Variants in KIF5C observed in about 807,000 individuals in gnomAD.
KIF5C encodes kinesin family member 5C.
A neutral mutation model predicts 125.2 loss-of-function variants in KIF5C; 18 were observed. The ratio of observed to expected loss-of-function variants is 0.14; its 90% CI spans 0.10 to 0.21. The LOEUF is 0.21. Ranked by LOEUF, KIF5C falls within the 10% of genes least tolerant of loss-of-function variation. The pLI is 1.00. For synonymous variants in KIF5C, 405 were observed against 434.0 expected, an observed-to-expected ratio of 0.93 and a Z score of 0.83; for missense variants, 780 against 1,183.8, an observed-to-expected ratio of 0.66 and a Z score of 5.01.
At position 148,994,510 on chromosome 2, in the gene KIF5C, C is replaced by T. The variant is rs376991028; in HGVS notation, c.1995C>T (p.Ser665=). The part of the protein sequence containing the change: ...RQLEESQDSL[S]EELAKLRAQE... ...TAGAAGAGTCCCAGGACTCGCTCAGCGAAGAGCTGGCAAAGCTCCGAGCCC... is the reference window on the plus strand; with the variant it reads ...TAGAAGAGTCCCAGGACTCGCTCAGTGAAGAGCTGGCAAAGCTCCGAGCCC... The change falls in exon 17 of 26, where the codon AGC becomes AGT. Residue 665 remains serine, a synonymous_variant. Coordinates refer to ENST00000435030, the MANE Select transcript of KIF5C (RefSeq NM_004522.3). 65 of 1,568,708 alleles carry T rather than the reference C, an allele frequency of 4.1e-5. No individual in the cohort carries two copies. Among genetic ancestry groups the T allele is most frequent in the Admixed American group, 1.7e-4 (9 of 52,952 alleles).
chr2:148,900,986 C>A (rs971516302), intron 1 of KIF5C, among the ~76,000 whole-genome samples: 1 of 152,042 alleles, frequency 6.6e-6, no homozygotes, highest in African/African-American at 2.4e-5. Context: ...ATACAAAAAA[C>A]CCCAACAAAC....
intron 11 of KIF5C, among the ~76,000 whole-genome samples, chr2:148,970,880 T>C (rs947317285): frequency 1.3e-5 from 2 of 152,244 alleles, no homozygotes; most frequent in Non-Finnish European, 2.9e-5. Context: ...ACACAGGGAA[T>C]ATATCTCTTC....
chr2:148,952,326 C>T (rs1558913918), intron 10 of KIF5C, among the ~76,000 whole-genome samples: 1 of 152,246 alleles, frequency 6.6e-6, no homozygotes, highest in African/African-American at 2.4e-5. Flanking sequence ...CCAGAGTCAC[C>T]GTGGGGCATT....
chr2:148,932,389 A>G (rs1402707878), intron 3 of KIF5C, among the ~76,000 whole-genome samples: 2 of 152,194 alleles, frequency 1.3e-5, no homozygotes, highest in African/African-American at 4.8e-5. Flanking sequence ...CCTACATAAA[A>G]TTGGAAATAT....
intron 1 of KIF5C, among the ~76,000 whole-genome samples, chr2:148,909,599 T>C (rs1402717412): frequency 1.3e-5 from 2 of 152,188 alleles, no homozygotes; most frequent in East Asian, 1.9e-4. Flanking sequence ...TTTGTAAAAC[T>C]GTAAGAAAGA....
At chr2:149,013,761 C>G (rs1053080885) in intron 25 of KIF5C, among the ~76,000 whole-genome samples, 3 of 152,132 alleles carry the variant, frequency 2.0e-5, no homozygotes, top group Admixed American at 2.0e-4. Context: ...TGGGTTCCAA[C>G]AAAGGTCTGC....
chr2:148,982,335 G>A (rs1195854496), intron 14 of KIF5C, among the ~76,000 whole-genome samples: 1 of 152,214 alleles, frequency 6.6e-6, no homozygotes, highest in Admixed American at 6.5e-5. Flanking sequence ...GGTGGGATGT[G>A]TCCTTTTCTA....
chr2:148,879,803 T>G (rs1681297658), intron 1 of KIF5C: 1 of 152,200 alleles, frequency 6.6e-6, no homozygotes, highest in Non-Finnish European at 1.5e-5. Flanking sequence ...TTATTGGGCT[T>G]TTCTCTTGTT....
In KIF5C at chr2:148,924,400, T is replaced by C. The variant is rs142361414; in HGVS notation, c.217+2173T>C. Among the ~76,000 whole-genome samples the C allele has an allele frequency of 7.0e-4, 106 of 152,292 alleles. No homozygotes were observed. The highest frequency in any genetic ancestry group is 3.5e-3 in the South Asian group (17 of 4,820). On this transcript the variant is annotated intron_variant, in intron 2 of 25. Transcript: ENST00000435030. The surrounding 1 kb of genome is among the most constrained non-coding windows in gnomAD (Gnocchi z 4.0). The stretch of plus-strand genomic sequence containing the variant: ...TTCCTTTCAAGTCCATCTAAACTCT[T>C]AATGATTTGGAGCATCTGGGAGGCT...
chr2:148,918,113 AT>A (rs1347782567), intron 1 of KIF5C, among the ~76,000 whole-genome samples: 1 of 152,138 alleles, frequency 6.6e-6, no homozygotes, highest in Admixed American at 6.5e-5. Flanking sequence ...TGGTGGTATG[AT>A]TTTTTAAAAA....
chr2:148,998,540 G>C, intron 19 of KIF5C, 31 bp downstream of exon 19: 1 of 1,550,990 alleles, frequency 6.4e-7, no homozygotes, highest in Non-Finnish European at 8.7e-7. Flanking sequence ...AGGGGTGTGG[G>C]GGTGGTCATG....
rs184398035 is a variant in KIF5C at position 149,009,924 on chromosome 2, A to T, written c.2551-211A>T. 2.7e-4 allele frequency among the ~76,000 whole-genome samples: 41 copies of T among 152,046 alleles called. 2 individuals are homozygous for T. In the East Asian group the frequency reaches 7.9e-3, roughly 29 times the overall value. ...GGAAATAGGTTTTAATTGTATCCCC[A>T]CCCCACCGTTCCTTGCACCCTGTGA... On this transcript the variant is annotated intron_variant, in intron 23 of 25. Transcript: ENST00000435030.
Position 148,875,448 on chromosome 2 carries a change from C to A in KIF5C, c.-170C>A. ...GCTGCCCACCTTCCCGGGCTCGGAG[C>A]GGCCGGGGCTGCTCAGCCGGCCGGG... is the stretch of plus-strand genomic sequence containing the variant. On this transcript the variant is annotated 5_prime_UTR_variant, in exon 1 of 26. Transcript: ENST00000435030. The A allele has an allele frequency of 1.8e-6, 1 of 569,904 alleles. No individual in the cohort carries two copies. Among genetic ancestry groups the A allele is most frequent in the South Asian group, 2.2e-5 (1 of 46,080 alleles). 35.3% of individuals were successfully genotyped at this position (569,904 alleles called of 1,614,324 possible). A position where few individuals can be genotyped will look rare whatever the true frequency, so the allele number is the denominator to read the frequency against.
At chr2:149,000,261 C>A (rs190763366) in intron 19 of KIF5C, 162 bp from the exon 20 acceptor site, 1 of 757,924 alleles carries the variant, frequency 1.3e-6, no homozygotes, top group Non-Finnish European at 2.0e-6. Context: ...CACTTGGGCA[C>A]GGAGGAAGCT....
At chr2:148,956,800 A>G (rs1574785871) in intron 10 of KIF5C, among the ~76,000 whole-genome samples, 1 of 152,226 alleles carries the variant, frequency 6.6e-6, no homozygotes, top group Non-Finnish European at 1.5e-5. Context: ...TGATATCTGT[A>G]TATACATTGA....
intron 1 of KIF5C, among the ~76,000 whole-genome samples, chr2:148,894,403 TAAAG>T (rs1681782478): frequency 6.6e-5 from 10 of 152,188 alleles, no homozygotes; most frequent in Admixed American, 6.5e-4. Context: ...GCTGGCATCA[TAAAG>T]AAAGTAAGGT....
intron 10 of KIF5C, among the ~76,000 whole-genome samples, chr2:148,960,217 C>A (rs1682893756): frequency 6.6e-6 from 1 of 152,216 alleles, no homozygotes; most frequent in South Asian, 2.1e-4. Context: ...TCTGGCTAAA[C>A]CTGCCTGAGT....
chr2:148,979,949 T>A (rs553798409), intron 13 of KIF5C, among the ~76,000 whole-genome samples: 1 of 152,336 alleles, frequency 6.6e-6, no homozygotes, highest in Non-Finnish European at 1.5e-5. Flanking sequence ...ATAATTCCCT[T>A]GCTGAGGACC....
intron 1 of KIF5C, among the ~76,000 whole-genome samples, chr2:148,905,278 A>T (rs1486297033): frequency 5.3e-5 from 8 of 152,240 alleles, no homozygotes; most frequent in Admixed American, 1.3e-4. Flanking sequence ...GAGTTAGGAC[A>T]CATTGGTTTA....
Sources: allele counts gnomAD v4.1 joint callset (sites outside exome capture counted in the v4.1 genomes callset), GRCh38; gene constraint gnomAD v4.1.1; non-coding constraint Gnocchi (gnomAD v3.1); transcripts MANE v1.5; gene names NCBI Gene and HGNC (gene_info 2026-07-23, HGNC 2026-07-21).